The following EYS variants were observed in gnomAD, a reference collection of about 807,000 sequenced individuals.
The protein encoded by EYS is EGF-like photoreceptor maintenance factor.
In EYS, 250 loss-of-function variants were observed where a neutral mutation model predicts 282.1. The observed-to-expected ratio is 0.89, with a 90% CI of 0.80 to 0.98. The LOEUF is 0.98. Among genes scored for constraint, EYS ranks in the 50% least tolerant of loss-of-function variants. The pLI, the probability that EYS is intolerant of heterozygous loss-of-function variation, is 0.00. For synonymous variants in EYS, 1,355 were observed against 1,282.9 expected, an observed-to-expected ratio of 1.06 and a Z score of -1.20; for missense variants, 4,016 against 3,709.0, an observed-to-expected ratio of 1.08 and a Z score of -2.15.
At chr6:65,619,352 T>G (rs537246702) in intron 2 of EYS, among the ~76,000 whole-genome samples, 34 of 152,196 alleles carry the variant, frequency 2.2e-4, no homozygotes, top group African/African-American at 7.7e-4. Context: ...TGCCTCTCTG[T>G]TTGTCTGTTA....
intron 5 of EYS, among the ~76,000 whole-genome samples, chr6:65,474,328 G>T (rs189277614): frequency 4.1e-4 from 63 of 152,182 alleles, no homozygotes; most frequent in African/African-American, 1.4e-3. Flanking sequence ...AGAGAAAAAA[G>T]AACGTGTGGT....
At chr6:63,755,137 G>A (rs1047264594) in intron 41 of EYS, among the ~76,000 whole-genome samples, 6 of 152,018 alleles carry the variant, frequency 3.9e-5, no homozygotes, top group African/African-American at 1.4e-4. Flanking sequence ...CCATTCTGTA[G>A]GTTGCCTGTT....
chr6:65,397,271 G>A (rs951483490), intron 7 of EYS, among the ~76,000 whole-genome samples: 5 of 151,586 alleles, frequency 3.3e-5, no homozygotes, highest in African/African-American at 1.2e-4. Flanking sequence ...TTTTAACATG[G>A]GTATATTACA....
intron 26 of EYS, among the ~76,000 whole-genome samples, chr6:64,550,839 C>T (rs1372930013): frequency 1.3e-5 from 2 of 152,078 alleles, no homozygotes; most frequent in Non-Finnish European, 2.9e-5. Context: ...AGAGCCAAAT[C>T]ATGAGTGAAC....
chr6:63,943,989 G>A (rs1765316495), intron 35 of EYS, among the ~76,000 whole-genome samples: 1 of 152,170 alleles, frequency 6.6e-6, no homozygotes. Context: ...TAGTTGGAAT[G>A]CCAACAGCCT....
At chr6:64,648,329 AC>A (rs947703093) in intron 22 of EYS, among the ~76,000 whole-genome samples, 1 of 152,172 alleles carries the variant, frequency 6.6e-6, no homozygotes, top group African/African-American at 2.4e-5. Flanking sequence ...ATCAAGAAAA[AC>A]TGGCAGAAGC....
At chr6:64,009,285 A>G (rs1185048971) in intron 33 of EYS, among the ~76,000 whole-genome samples, 1 of 139,584 alleles carries the variant, frequency 7.2e-6, no homozygotes, top group East Asian at 2.1e-4. Flanking sequence ...GAAATTCTCG[A>G]TTTTTTTTTT....
At chr6:64,151,176 G>A (rs574067701) in intron 31 of EYS, among the ~76,000 whole-genome samples, 65 of 150,888 alleles carry the variant, frequency 4.3e-4, no homozygotes, top group Non-Finnish European at 8.6e-4. Flanking sequence ...ATGGTGTAAT[G>A]ATATATTAAA....
At chr6:64,694,390 G>T (rs1770505040) in intron 22 of EYS, among the ~76,000 whole-genome samples, 1 of 152,146 alleles carries the variant, frequency 6.6e-6, no homozygotes. Flanking sequence ...GAAGGAAAAA[G>T]AATGCCTTTG....
chr6:63,884,240 AG>A (rs1224158802), intron 35 of EYS, among the ~76,000 whole-genome samples: 1 of 152,250 alleles, frequency 6.6e-6, no homozygotes, highest in Admixed American at 6.5e-5. Context: ...CATTTGAAAC[AG>A]TCTCTTATAG....
chr6:64,783,089 C>T (rs957840714), intron 22 of EYS, among the ~76,000 whole-genome samples: 4 of 152,104 alleles, frequency 2.6e-5, no homozygotes, highest in Non-Finnish European at 4.4e-5. Flanking sequence ...GTATCCACAC[C>T]GTAGGCACTA....
intron 2 of EYS, among the ~76,000 whole-genome samples, chr6:65,508,593 G>A (rs1264036878): frequency 5.4e-5 from 8 of 148,764 alleles, no homozygotes; most frequent in Non-Finnish European, 5.9e-5. Flanking sequence ...GGAATGATGT[G>A]AACCTGGGAG....
chr6:64,451,132 G>C (rs559428618), intron 26 of EYS, among the ~76,000 whole-genome samples: 2 of 152,160 alleles, frequency 1.3e-5, no homozygotes, highest in East Asian at 1.9e-4. Context: ...AGGAAGAAAA[G>C]AGAGAAGAAT....
At chr6:65,041,512 T>C (rs919114543) in intron 13 of EYS, among the ~76,000 whole-genome samples, 1 of 151,768 alleles carries the variant, frequency 6.6e-6, no homozygotes, top group African/African-American at 2.4e-5. Flanking sequence ...GATTCAATAA[T>C]GGCTCTGAGT....
At chr6:64,437,173 A>T (rs1246156093) in intron 27 of EYS, among the ~76,000 whole-genome samples, 1 of 151,728 alleles carries the variant, frequency 6.6e-6, no homozygotes, top group Non-Finnish European at 1.5e-5. Context: ...TAAAAACTCC[A>T]ATAAGAAGCA....
At chr6:65,424,042 ACCTT>A (rs1767570019) in intron 5 of EYS, among the ~76,000 whole-genome samples, 1 of 151,902 alleles carries the variant, frequency 6.6e-6, no homozygotes, top group Admixed American at 6.6e-5. Flanking sequence ...TCTTGGGAAC[ACCTT>A]CCTTCCAGGT....
chr6:64,226,704 G>T lies in EYS; in HGVS notation c.6424+3888C>A, dbSNP rs146639424. On this transcript the variant is annotated intron_variant, in intron 31 of 42. Coordinates refer to ENST00000503581, the MANE Select transcript of EYS (RefSeq NM_001142800.2). ...ATGAATTAAGATAGCATGTGTTGAAGAAAAAAAGAGCATATTAAATCAAAC... is the reference window on the plus strand; with the variant it reads ...ATGAATTAAGATAGCATGTGTTGAATAAAAAAAGAGCATATTAAATCAAAC... Among the ~76,000 whole-genome samples the T allele has an allele frequency of 3.1e-4, 47 of 151,996 alleles. No homozygotes were observed. In the East Asian group the frequency reaches 9.1e-3, roughly 29 times the overall value.
At chr6:64,842,489 T>C (rs1765591442) in intron 19 of EYS, among the ~76,000 whole-genome samples, 1 of 151,624 alleles carries the variant, frequency 6.6e-6, no homozygotes, top group Non-Finnish European at 1.5e-5. Context: ...CAGGCAGAGG[T>C]TGGAACAATT....
chr6:65,514,158 G>C (rs1370204247), intron 2 of EYS, among the ~76,000 whole-genome samples: 2 of 152,034 alleles, frequency 1.3e-5, no homozygotes, highest in Admixed American at 1.3e-4. Context: ...CAGACAAACA[G>C]AGCCAAATCA....
Sources: gnomAD v4.1 joint callset for allele counts (sites outside exome capture counted in the v4.1 genomes callset) on GRCh38, gnomAD v4.1.1 for gene constraint, MANE v1.5 for transcripts, NCBI Gene and HGNC (gene_info 2026-07-23, HGNC 2026-07-21) for gene names.